Variants in YTHDC2 observed in about 807,000 individuals in gnomAD.
YTHDC2 encodes YTH N6-methyladenosine RNA binding protein C2.
A neutral mutation model predicts 174.9 loss-of-function variants in YTHDC2; 45 were observed. The observed-to-expected ratio is 0.26, with a 90% CI of 0.20 to 0.33. YTHDC2 has a LOEUF of 0.33. YTHDC2 is among the 10% of genes least tolerant of loss of function. YTHDC2 has a pLI of 1.00. For missense variants in YTHDC2, 1,650 were observed against 1,723.7 expected, an observed-to-expected ratio of 0.96 and a Z score of 0.76; for synonymous variants, 657 against 574.5, an observed-to-expected ratio of 1.14 and a Z score of -2.05.
chr5:113,567,962 C>T, intron 23 of YTHDC2, 113 bp downstream of exon 23: 1 of 829,048 alleles, frequency 1.2e-6, no homozygotes. Flanking sequence ...TATATAGTAG[C>T]AGCTCTATTT....
intron 7 of YTHDC2, among the ~76,000 whole-genome samples, chr5:113,537,332 T>C (rs1213049362): frequency 4.6e-5 from 7 of 151,654 alleles, no homozygotes; most frequent in Non-Finnish European, 1.0e-4. Context: ...TTAACTTTTC[T>C]GTGGTATGTT....
intron 21 of YTHDC2, 124 bp downstream of exon 21, chr5:113,566,143 T>A: frequency 9.0e-7 from 1 of 1,110,716 alleles, no homozygotes; most frequent in Non-Finnish European, 1.2e-6. Flanking sequence ...TTGTGTATCT[T>A]ATATTCATGC....
At chr5:113,553,160 T>G in intron 12 of YTHDC2, 21 bp from the exon 13 acceptor site, 1 of 824,896 alleles carries the variant, frequency 1.2e-6, no homozygotes, top group African/African-American at 1.7e-5. Flanking sequence ...ACTTTGTCTT[T>G]TTTTTTTTTT....
chr5:113,528,741 T>C (rs1422256681), intron 4 of YTHDC2, among the ~76,000 whole-genome samples: 1 of 152,206 alleles, frequency 6.6e-6, no homozygotes, highest in African/African-American at 2.4e-5. Context: ...ACTCCTGGGC[T>C]CAAGCGATCC....
At chr5:113,548,810 GA>G in intron 11 of YTHDC2, 143 bp downstream of exon 11, 1 of 1,151,070 alleles carries the variant, frequency 8.7e-7, no homozygotes, top group Non-Finnish European at 1.2e-6. Context: ...TAATAATTTT[GA>G]ATGACTTGTT....
intron 17 of YTHDC2, among the ~76,000 whole-genome samples, chr5:113,559,336 A>G (rs1412926686): frequency 3.3e-5 from 5 of 152,234 alleles, no homozygotes; most frequent in Admixed American, 3.3e-4. Flanking sequence ...TTGAGGCACT[A>G]AGAAAGATAA....
intron 10 of YTHDC2, 32 bp downstream of exon 10, chr5:113,542,535 T>G (rs1463398449): frequency 6.4e-7 from 1 of 1,563,268 alleles, no homozygotes; most frequent in Non-Finnish European, 8.7e-7. Flanking sequence ...AAAATTACCC[T>G]TACAGTTATT....
chr5:113,584,080 G>T lies in YTHDC2; in HGVS notation c.3648-222G>T, dbSNP rs138765268. ...AATTAAAGTTCCAATAAGTTACGAGGCTTGCTCAGGATCTCATACCTAGTT... is the reference window on the plus strand; with the variant it reads ...AATTAAAGTTCCAATAAGTTACGAGTCTTGCTCAGGATCTCATACCTAGTT... On this transcript the variant is annotated intron_variant, in intron 25 of 29. Coordinates refer to ENST00000161863, the MANE Select transcript of YTHDC2 (RefSeq NM_022828.5). The T allele has an allele frequency of 9.0e-4, 315 of 351,650 alleles. 1 individual carries two copies. The highest frequency in any genetic ancestry group is 6.1e-3 in the African/African-American group (290 of 47,842). The allele number at this position is 351,650 out of a possible 1,614,324, so 21.8% of individuals were successfully genotyped here.
chr5:113,561,894 C>G (rs527646841), intron 18 of YTHDC2, among the ~76,000 whole-genome samples: 1 of 151,096 alleles, frequency 6.6e-6, no homozygotes, highest in African/African-American at 2.4e-5. Context: ...CTATAAGATG[C>G]TGAGATTATC....
intron 22 of YTHDC2, 97 bp from the exon 23 acceptor site, chr5:113,567,557 C>A: frequency 2.8e-6 from 3 of 1,081,494 alleles, no homozygotes; most frequent in Non-Finnish European, 3.9e-6. Context: ...TAATATACAT[C>A]ATCTATTTCA....
intron 19 of YTHDC2, 51 bp from the exon 20 acceptor site, chr5:113,563,808 T>C: frequency 6.3e-7 from 1 of 1,589,452 alleles, no homozygotes; most frequent in African/African-American, 1.3e-5. Context: ...TTATGTGTTT[T>C]GATTAAACAG....
At chr5:113,531,780 CA>C (rs1397281964) in intron 4 of YTHDC2, among the ~76,000 whole-genome samples, 2 of 151,084 alleles carry the variant, frequency 1.3e-5, no homozygotes, top group African/African-American at 4.9e-5. Context: ...AAAATAAAAA[CA>C]GTTATATTTT....
chr5:113,539,234 T>G (rs2112610123), intron 8 of YTHDC2, 53 bp downstream of exon 8: 2 of 734,442 alleles, frequency 2.7e-6, no homozygotes, highest in East Asian at 6.7e-5. Flanking sequence ...ATAATGACTT[T>G]GGAGTACTCC....
rs1779157084 is a variant in YTHDC2 at position 113,594,401 on chromosome 5, C to T, written c.*927C>T. 6.6e-6 allele frequency: 1 copy of T among 152,238 alleles called. No homozygotes were observed. Among genetic ancestry groups the T allele is most frequent in the Non-Finnish European group, 1.5e-5 (1 of 68,034 alleles). The allele number at this position is 152,238 out of a possible 1,614,324, so 9.4% of individuals were successfully genotyped here. A position where few individuals can be genotyped will look rare whatever the true frequency, so the allele number is the denominator to read the frequency against. On this transcript the variant is annotated 3_prime_UTR_variant, in exon 30 of 30. Coordinates refer to ENST00000161863, the MANE Select transcript of YTHDC2 (RefSeq NM_022828.5). ...AACTGGTAGCTTGCTTGCTGTGCGT[C>T]TTCCAAACTAAAGCCTGCAAGCGCC... is the stretch of plus-strand genomic sequence containing the variant.
chr5:113,569,380 G>A (rs1777567529), intron 23 of YTHDC2, among the ~76,000 whole-genome samples: 1 of 152,154 alleles, frequency 6.6e-6, no homozygotes, highest in South Asian at 2.1e-4. Flanking sequence ...TGCTTTTGCT[G>A]CAATTGCTTT....
chr5:113,540,889 A>T, intron 8 of YTHDC2, 79 bp from the exon 9 acceptor site: 2 of 1,387,430 alleles, frequency 1.4e-6, no homozygotes, highest in Non-Finnish European at 2.0e-6. Flanking sequence ...CCAGATTCCC[A>T]TAATTTATTT....
chr5:113,550,274 GT>G (rs1561660357), intron 12 of YTHDC2, among the ~76,000 whole-genome samples: 1 of 151,942 alleles, frequency 6.6e-6, no homozygotes, highest in Non-Finnish European at 1.5e-5. Flanking sequence ...GGAGGTCTCT[GT>G]GGGGGAAAAA....
At chr5:113,580,798 A>G (rs1778355043) in intron 24 of YTHDC2, among the ~76,000 whole-genome samples, 2 of 152,016 alleles carry the variant, frequency 1.3e-5, no homozygotes, top group Non-Finnish European at 2.9e-5. Context: ...CCTGCCCCAA[A>G]TTCTTTGTCA....
chr5:113,570,065 G>A (rs929908573), intron 23 of YTHDC2, among the ~76,000 whole-genome samples: 2 of 151,870 alleles, frequency 1.3e-5, no homozygotes, highest in African/African-American at 4.8e-5. Flanking sequence ...CTTATTAGCT[G>A]TATTCCTAGG....
Sources: gnomAD v4.1 joint callset for allele counts (sites outside exome capture counted in the v4.1 genomes callset) on GRCh38, gnomAD v4.1.1 for gene constraint, MANE v1.5 for transcripts, NCBI Gene and HGNC (gene_info 2026-07-23, HGNC 2026-07-21) for gene names.